RBMS3: variants seen among roughly 807,000 people sequenced by gnomAD.
RBMS3 encodes the protein RNA binding motif single stranded interacting protein 3, also known as RNA-binding motif, single-stranded-interacting protein 3.
A neutral mutation model predicts 66.8 loss-of-function variants in RBMS3; 27 were observed. The ratio of observed to expected loss-of-function variants is 0.40; its 90% confidence interval spans 0.30 to 0.56. RBMS3 has a LOEUF of 0.56. Ranked by LOEUF, RBMS3 falls within the 20% of genes least tolerant of loss-of-function variation. RBMS3 has a pLI of 0.40. For missense variants in RBMS3, 513 were observed against 549.5 expected (o/e 0.93, Z 0.66); for synonymous variants, 188 against 183.0 (o/e 1.03, Z -0.22).
intron 3 of RBMS3, among the ~76,000 whole-genome samples, chr3:29,582,618 A>G (rs76897951): frequency 0.015 from 2,225 of 152,324 alleles, 61 homozygotes; most frequent in African/African-American, 0.051. Flanking sequence ...GTTACCGGAA[A>G]GCATTATTAG....
chr3:29,408,679 C>G (rs1575735013), intron 1 of RBMS3, among the ~76,000 whole-genome samples: 1 of 152,128 alleles, frequency 6.6e-6, no homozygotes, highest in Admixed American at 6.5e-5. Flanking sequence ...AATGAGTTTA[C>G]AGCAGCAGAC....
At position 29,683,343 on chromosome 3, in the gene RBMS3, G is replaced by A. The variant is rs138634112; in HGVS notation, c.400-56377G>A. Among the ~76,000 whole-genome samples, 522 of 152,314 alleles carry A rather than the reference G, an allele frequency of 3.4e-3. 3 individuals are homozygous for A. Among genetic ancestry groups the A allele is most frequent in the African/African-American group, 0.012 (492 of 41,562 alleles). On this transcript the variant is annotated intron_variant, in intron 4 of 14. Transcript: ENST00000383767. ...TCCAAGGGGGATAGACAAGAGAAGG[G>A]AGGATGCCGAGAATAGAGTGTGAGT...
chr3:29,520,142 G>C (rs2148971656), intron 3 of RBMS3, among the ~76,000 whole-genome samples: 1 of 152,256 alleles, frequency 6.6e-6, no homozygotes, highest in East Asian at 1.9e-4. Flanking sequence ...AGCAATGGTA[G>C]TCAAGGAGCC....
chr3:29,411,199 A>C (rs552855993), intron 1 of RBMS3, among the ~76,000 whole-genome samples: 1 of 152,340 alleles, frequency 6.6e-6, no homozygotes, highest in South Asian at 2.1e-4. Flanking sequence ...CTGGCCTAGC[A>C]GAAAGATCTA....
At chr3:29,972,896 C>T (rs1362035865) in intron 12 of RBMS3, among the ~76,000 whole-genome samples, 1 of 152,126 alleles carries the variant, frequency 6.6e-6, no homozygotes, top group African/African-American at 2.4e-5. Flanking sequence ...AGGATTTCTT[C>T]GTTCCTTTGT....
intron 6 of RBMS3, among the ~76,000 whole-genome samples, chr3:29,795,065 G>A (rs924616741): frequency 1.3e-5 from 2 of 152,154 alleles, no homozygotes; most frequent in East Asian, 3.9e-4. Flanking sequence ...GGCGTCATGT[G>A]TGTTATCATA....
intron 3 of RBMS3, among the ~76,000 whole-genome samples, chr3:29,519,826 A>G (rs2044784051): frequency 6.6e-6 from 1 of 152,166 alleles, no homozygotes; most frequent in South Asian, 2.1e-4. Context: ...TGATTTTTTT[A>G]CACCACATAA....
At chr3:29,649,499 G>C (rs2050065917) in intron 4 of RBMS3, among the ~76,000 whole-genome samples, 1 of 152,176 alleles carries the variant, frequency 6.6e-6, no homozygotes, top group East Asian at 1.9e-4. Context: ...TTTTTGGCCT[G>C]TGAAGGTGTG....
At chr3:29,863,812 G>T (rs1180900656) in intron 6 of RBMS3, among the ~76,000 whole-genome samples, 1 of 152,084 alleles carries the variant, frequency 6.6e-6, no homozygotes, top group Non-Finnish European at 1.5e-5. Context: ...TTTGATCCTT[G>T]GCAATCTAGA....
intron 4 of RBMS3, among the ~76,000 whole-genome samples, chr3:29,609,082 A>G (rs2048405480): frequency 6.6e-6 from 1 of 152,052 alleles, no homozygotes; most frequent in Non-Finnish European, 1.5e-5. Flanking sequence ...CTTTTATAAA[A>G]TATAATAAAA....
intron 1 of RBMS3, among the ~76,000 whole-genome samples, chr3:29,422,952 A>G (rs2040810241): frequency 6.6e-6 from 1 of 152,230 alleles, no homozygotes; most frequent in Non-Finnish European, 1.5e-5. Context: ...TAAAATATGA[A>G]TGAATTGGCT....
intron 1 of RBMS3, among the ~76,000 whole-genome samples, chr3:29,398,642 T>A (rs1242219574): frequency 2.0e-5 from 3 of 152,182 alleles, no homozygotes; most frequent in Non-Finnish European, 4.4e-5. Flanking sequence ...TTGACCACCA[T>A]AACTGTTGGT....
intron 1 of RBMS3, among the ~76,000 whole-genome samples, chr3:29,366,369 T>C (rs963731609): frequency 1.4e-4 from 22 of 152,126 alleles, no homozygotes; most frequent in Non-Finnish European, 2.8e-4. Context: ...CCTCCAAATA[T>C]GTGTTTCTGA....
chr3:29,992,313 G>A (rs1201785293), intron 14 of RBMS3, among the ~76,000 whole-genome samples: 4 of 152,182 alleles, frequency 2.6e-5, no homozygotes, highest in Non-Finnish European at 2.9e-5. Flanking sequence ...TAGGCCGGGC[G>A]CAGTGGCTCA....
At chr3:29,663,332 G>A (rs2050629204) in intron 4 of RBMS3, among the ~76,000 whole-genome samples, 1 of 152,154 alleles carries the variant, frequency 6.6e-6, no homozygotes, top group Non-Finnish European at 1.5e-5. Context: ...AGTAGCCTAT[G>A]TTACTGTCAT....
At chr3:29,517,449 A>G (rs1297441779) in intron 3 of RBMS3, among the ~76,000 whole-genome samples, 1 of 151,240 alleles carries the variant, frequency 6.6e-6, no homozygotes, top group Middle Eastern at 3.2e-3. Flanking sequence ...TAGCCTTCCT[A>G]GTATTCAGGA....
intron 1 of RBMS3, among the ~76,000 whole-genome samples, chr3:29,425,150 T>C (rs1254341308): frequency 7.0e-6 from 1 of 142,746 alleles, no homozygotes; most frequent in African/African-American, 2.6e-5. Flanking sequence ...GAGACCATCC[T>C]GGCTAACACA....
chr3:29,898,197 TCTC>T (rs746062874), intron 9 of RBMS3, among the ~76,000 whole-genome samples: 1 of 151,674 alleles, frequency 6.6e-6, no homozygotes, highest in Non-Finnish European at 1.5e-5. Flanking sequence ...GTGATATTAA[TCTC>T]CTCTCTACCT....
intron 10 of RBMS3, among the ~76,000 whole-genome samples, chr3:29,910,954 C>T (rs1338125393): frequency 6.6e-6 from 1 of 152,020 alleles, no homozygotes; most frequent in East Asian, 1.9e-4. Context: ...ATTAAACGTA[C>T]ATTTTTCTCC....
Sources: allele counts gnomAD v4.1 joint callset (sites outside exome capture counted in the v4.1 genomes callset), GRCh38; gene constraint gnomAD v4.1.1; transcripts MANE v1.5; gene names NCBI Gene and HGNC (gene_info 2026-07-23, HGNC 2026-07-21).